The following DSG4 variants were observed in gnomAD, a reference collection of about 807,000 sequenced individuals.
DSG4 encodes desmoglein-4.
In DSG4, 87 loss-of-function variants were observed where a neutral mutation model predicts 93.1. That is an observed-to-expected ratio of 0.93 (90% confidence interval 0.79 to 1.12). The LOEUF is 1.12. Ranked by LOEUF, DSG4 falls within the 50% of genes most tolerant of loss-of-function variation. DSG4 has a pLI of 0.00. For missense variants in DSG4, 1,373 were observed against 1,285.7 expected, an observed-to-expected ratio of 1.07 and a Z score of -1.04; for synonymous variants, 432 against 452.9, an observed-to-expected ratio of 0.95 and a Z score of 0.59.
chr18:31,401,013 T>A lies in DSG4; in HGVS notation c.1410T>A (p.Ala470=), dbSNP rs763929117. Residue 470 remains alanine, a synonymous_variant, in exon 10 of 16, where the codon GCT becomes GCA. Coordinates refer to ENST00000308128, the MANE Select transcript of DSG4 (RefSeq NM_177986.5). ...INGIYTAEIL[A]IDDGSGKTAT... is the part of the protein sequence containing the mutation. ...GGATATACACAGCAGAGATCCTGGC[T>A]ATAGATGGTAAGAAAATTTATTTTC... is the stretch of plus-strand genomic sequence containing the variant. 3 of 1,596,466 alleles carry A rather than the reference T, an allele frequency of 1.9e-6. No individual in the cohort carries two copies. The highest frequency in any genetic ancestry group is 1.7e-5 in the Admixed American group (1 of 58,116).
At position 31,391,204 on chromosome 18, in the gene DSG4, A is replaced by G. The variant is rs767397078; in HGVS notation, c.811A>G (p.Lys271Glu). ...CAACGATAATTTCCCCACCTTAGAG[A>G]AAACTTCAGTAAGTTTGTATTCTTA... ...DVNDNFPTLEKTSYSASIEEN... is the reference protein window; with the variant it reads ...DVNDNFPTLEETSYSASIEEN... The change falls in exon 7 of 16, where the codon AAA becomes GAA. Residue 271 changes from lysine (K) to glutamate (E), a missense_variant. Coordinates refer to ENST00000308128, the MANE Select transcript of DSG4 (RefSeq NM_177986.5). The G allele has an allele frequency of 7.4e-6, 12 of 1,613,572 alleles. No homozygotes were observed. In the East Asian group the frequency reaches 1.6e-4, roughly 21 times the overall value.
chr18:31,378,343 C>A (rs2144153158), intron 1 of DSG4, among the ~76,000 whole-genome samples: 1 of 152,312 alleles, frequency 6.6e-6, no homozygotes, highest in South Asian at 2.1e-4. Context: ...CCTCTTGTTA[C>A]TCTTCTACCG....
chr18:31,377,980 G>C (rs930344260), intron 1 of DSG4, among the ~76,000 whole-genome samples: 1 of 152,200 alleles, frequency 6.6e-6, no homozygotes, highest in Non-Finnish European at 1.5e-5. Flanking sequence ...AGGGCTGGGA[G>C]AGATGGGAGC....
At chr18:31,398,802 G>A (rs950341551) in intron 8 of DSG4, among the ~76,000 whole-genome samples, 3 of 151,772 alleles carry the variant, frequency 2.0e-5, no homozygotes, top group Non-Finnish European at 2.9e-5. Flanking sequence ...AAAAAATTAC[G>A]TGTTCAGTGA....
At chr18:31,406,966 C>T (rs112102395) in intron 12 of DSG4, among the ~76,000 whole-genome samples, 3,899 of 151,962 alleles carry the variant, frequency 0.026, 179 homozygotes, top group African/African-American at 0.088. Flanking sequence ...TTAGTAGAGA[C>T]GGGGTTTCAC....
At chr18:31,401,056 A>G in intron 10 of DSG4, 36 bp downstream of exon 10, 2 of 1,500,134 alleles carry the variant, frequency 1.3e-6, no homozygotes, top group African/African-American at 1.4e-5. Context: ...TAAGAAAACT[A>G]GTACTATTAT....
intron 11 of DSG4, among the ~76,000 whole-genome samples, chr18:31,404,073 G>A (rs1163993016): frequency 6.6e-6 from 1 of 152,014 alleles, no homozygotes; most frequent in African/African-American, 2.4e-5. Context: ...TCACTTAGGA[G>A]CACATAAAAT....
chr18:31,396,975 A>T (rs2072312672), intron 8 of DSG4, among the ~76,000 whole-genome samples: 2 of 152,088 alleles, frequency 1.3e-5, no homozygotes, highest in African/African-American at 4.8e-5. Flanking sequence ...GAACATACAC[A>T]CTCAGGCAGA....
At chr18:31,389,510 C>A (rs182914845) in intron 5 of DSG4, among the ~76,000 whole-genome samples, 1 of 152,120 alleles carries the variant, frequency 6.6e-6, no homozygotes, top group South Asian at 2.1e-4. Flanking sequence ...TCTTTCATTT[C>A]TTTCCATTCC....
chr18:31,406,422 C>G (rs1165826507), intron 12 of DSG4, 49 bp downstream of exon 12: 1 of 1,609,812 alleles, frequency 6.2e-7, no homozygotes, highest in Non-Finnish European at 8.5e-7. Flanking sequence ...CAAAATAGGG[C>G]TGTTACGAGG....
intron 1 of DSG4, among the ~76,000 whole-genome samples, chr18:31,383,080 A>G (rs113976179): frequency 0.02 from 3,094 of 152,300 alleles, 108 homozygotes; most frequent in African/African-American, 0.07. Context: ...GCCACGGGGC[A>G]CTATGAATGC....
intron 2 of DSG4, among the ~76,000 whole-genome samples, chr18:31,385,755 T>A (rs141019010): frequency 1.2e-3 from 187 of 152,234 alleles, no homozygotes; most frequent in African/African-American, 4.4e-3. Flanking sequence ...TACATTTCAG[T>A]AAGTCGTATC....
intron 3 of DSG4, among the ~76,000 whole-genome samples, chr18:31,388,080 A>G (rs867068523): frequency 6.6e-5 from 10 of 152,268 alleles, no homozygotes; most frequent in Middle Eastern, 6.8e-3. Context: ...CTAAAAAATC[A>G]GAGAATTGAA....
chr18:31,376,935 C>T lies in DSG4; in HGVS notation c.24C>T (p.Asn8=). The part of the protein sequence containing the change: MDWLFFR[N]ICLLIILMVV... Reference sequence around the variant, plus strand: ...GAATGGATTGGCTCTTCTTCAGAAACATTTGCCTTTTGATCATTCTAATGG... The same window carrying T: ...GAATGGATTGGCTCTTCTTCAGAAATATTTGCCTTTTGATCATTCTAATGG... Residue 8 remains asparagine, a synonymous_variant, in exon 1 of 16, where the codon AAC becomes AAT. Transcript: ENST00000308128. 6.2e-7 allele frequency: 1 copy of T among 1,613,604 alleles called. No homozygotes were observed. Among genetic ancestry groups the T allele is most frequent in the East Asian group, 2.2e-5 (1 of 44,854 alleles).
At position 31,404,739 on chromosome 18, in the gene DSG4, T is replaced by G. The variant is rs550970149; in HGVS notation, c.1636+1105T>G. Among the ~76,000 whole-genome samples the G allele has an allele frequency of 3.3e-5, 5 of 152,356 alleles. No homozygotes were observed. In the South Asian group the frequency reaches 1.0e-3, roughly 32 times the overall value. On this transcript the variant is annotated intron_variant, in intron 11 of 15. Transcript: ENST00000308128. ...CCACTTTAATATTTTTTAAAGTTAATCATGTTAAAGCAATTCCATTAATAT... is the reference window on the plus strand; with the variant it reads ...CCACTTTAATATTTTTTAAAGTTAAGCATGTTAAAGCAATTCCATTAATAT...
chr18:31,410,684 G>A (rs2072477515), intron 14 of DSG4, among the ~76,000 whole-genome samples: 1 of 152,232 alleles, frequency 6.6e-6, no homozygotes, highest in East Asian at 1.9e-4. Context: ...TAGCTATATG[G>A]CAATGATTGC....
rs778891852 is a variant in DSG4 at position 31,376,930 on chromosome 18, A to G, written c.19A>G (p.Arg7Gly). ...CAAAGGAATGGATTGGCTCTTCTTC[A>G]GAAACATTTGCCTTTTGATCATTCT... Reference protein sequence around the residue: MDWLFFRNICLLIILMV... With the variant: MDWLFFGNICLLIILMV... Residue 7 changes from arginine (R) to glycine (G), a missense_variant, in exon 1 of 16, where the codon AGA becomes GGA. Coordinates refer to ENST00000308128, the MANE Select transcript of DSG4 (RefSeq NM_177986.5). 2 of 1,613,716 alleles carry G rather than the reference A, an allele frequency of 1.2e-6. No individual in the cohort carries two copies. The highest frequency in any genetic ancestry group is 2.2e-5 in the South Asian group (2 of 91,070).
chr18:31,382,111 A>G (rs976612703), intron 1 of DSG4, among the ~76,000 whole-genome samples: 2 of 152,210 alleles, frequency 1.3e-5, no homozygotes, highest in Admixed American at 1.3e-4. Flanking sequence ...AGACTGTAAT[A>G]CATTTAGGAT....
intron 8 of DSG4, among the ~76,000 whole-genome samples, chr18:31,398,440 C>A (rs1197110246): frequency 6.6e-6 from 1 of 152,182 alleles, no homozygotes; most frequent in Non-Finnish European, 1.5e-5. Context: ...CCCTGAGAAG[C>A]AGAGATTTAC....
Sources: allele counts gnomAD v4.1 joint callset (sites outside exome capture counted in the v4.1 genomes callset), GRCh38; gene constraint gnomAD v4.1.1; transcripts MANE v1.5; gene names NCBI Gene and HGNC (gene_info 2026-07-23, HGNC 2026-07-21).